The following NTF3 variants were observed in gnomAD, a reference collection of about 807,000 sequenced individuals.
NTF3 encodes neurotrophin-3.
NTF3 carries 8 observed loss-of-function variants against 26.3 expected under a neutral mutation model. The observed-to-expected ratio is 0.30, with a 90% confidence interval of 0.18 to 0.55. The LOEUF is 0.55. Ranked by LOEUF, NTF3 falls within the 20% of genes least tolerant of loss-of-function variation. The pLI is 0.93. For synonymous variants in NTF3, 154 were observed against 145.5 expected, an observed-to-expected ratio of 1.06 and a Z score of -0.42; for missense variants, 276 against 352.9, an observed-to-expected ratio of 0.78 and a Z score of 1.75.
chr12:5,464,413 GTGATGGGCATTCA>G (rs1940562500), intron 1 of NTF3, among the ~76,000 whole-genome samples: 1 of 152,218 alleles, frequency 6.6e-6, no homozygotes, highest in Admixed American at 6.5e-5. Flanking sequence ...TGGTGCAAAA[GTGATGGGCATTCA>G]GTATGCTTCT....
At chr12:5,455,273 C>T (rs1199217518) in intron 1 of NTF3, among the ~76,000 whole-genome samples, 1 of 152,206 alleles carries the variant, frequency 6.6e-6, no homozygotes, top group Non-Finnish European at 1.5e-5. Context: ...TTTTCATGAT[C>T]CCCATTAGTA....
chr12:5,459,811 T>C (rs1382378098), intron 1 of NTF3, among the ~76,000 whole-genome samples: 1 of 152,190 alleles, frequency 6.6e-6, no homozygotes, highest in Non-Finnish European at 1.5e-5. Flanking sequence ...TTCTTTCTTC[T>C]CTAGCATGTG....
intron 1 of NTF3, among the ~76,000 whole-genome samples, chr12:5,481,721 CCA>C (rs746563252): frequency 8.0e-4 from 100 of 125,382 alleles, no homozygotes; most frequent in Admixed American, 2.8e-3. Flanking sequence ...CACGCACACA[CCA>C]CACACACACA....
chr12:5,441,357 T>C (rs1385520352), intron 1 of NTF3, among the ~76,000 whole-genome samples: 1 of 152,226 alleles, frequency 6.6e-6, no homozygotes, highest in African/African-American at 2.4e-5. Context: ...AAATGTTCTG[T>C]ACAAGTGATA....
chr12:5,474,832 T>TCAATTATC (rs1294936313), intron 1 of NTF3, among the ~76,000 whole-genome samples: 1 of 152,090 alleles, frequency 6.6e-6, no homozygotes, highest in African/African-American at 2.4e-5. Flanking sequence ...CTGGAATTAT[T>TCAATTATC]AAAGATCAGT....
chr12:5,486,880 GGTGTGTGT>G (rs10527557), intron 1 of NTF3, among the ~76,000 whole-genome samples: 39,284 of 148,670 alleles, frequency 0.26, 5,581 homozygotes, highest in South Asian at 0.37. Context: ...GTAGTTACGT[GGTGTGTGT>G]GTGTGTGTGT....
In NTF3 at chr12:5,480,904, A is replaced by C. The variant is rs539848670; in HGVS notation, c.19-13290A>C. On this transcript the variant is annotated intron_variant, in intron 1 of 1. Coordinates refer to ENST00000423158, the MANE Select transcript of NTF3 (RefSeq NM_001102654.2). ...GGTTGGAGAAATAATGAGAAATGCA[A>C]ACTTGACCCAGAGTTTCTCCTTCCA... Among the ~76,000 whole-genome samples the C allele has an allele frequency of 1.1e-3, 166 of 152,124 alleles. 1 individual carries two copies. Among genetic ancestry groups the C allele is most frequent in the African/African-American group, 3.9e-3 (162 of 41,468 alleles).
chr12:5,487,541 G>C (rs1370929842), intron 1 of NTF3, among the ~76,000 whole-genome samples: 1 of 152,172 alleles, frequency 6.6e-6, no homozygotes, highest in Non-Finnish European at 1.5e-5. Flanking sequence ...TTTTATCCTA[G>C]AGTATGCCTT....
chr12:5,477,549 G>C (rs1940739579), intron 1 of NTF3, among the ~76,000 whole-genome samples: 1 of 152,196 alleles, frequency 6.6e-6, no homozygotes, highest in East Asian at 1.9e-4. Flanking sequence ...GGTAAGTTGT[G>C]AACTACAGGA....
intron 1 of NTF3, among the ~76,000 whole-genome samples, chr12:5,482,072 C>T (rs1056538568): frequency 1.3e-5 from 2 of 152,128 alleles, no homozygotes; most frequent in Non-Finnish European, 2.9e-5. Context: ...CACACAGACA[C>T]ATCTGCAGTC....
At chr12:5,430,637 G>T (rs192641496), upstream of NTF3, among the ~76,000 whole-genome samples, 26 of 148,182 alleles carry the variant, frequency 1.8e-4, no homozygotes, top group Non-Finnish European at 3.7e-4. Context: ...CTCTGCGGCC[G>T]GTTGGTCCTG....
chr12:5,432,742 C>G (rs1293348307), intron 1 of NTF3, among the ~76,000 whole-genome samples: 3 of 151,982 alleles, frequency 2.0e-5, no homozygotes, highest in Admixed American at 6.5e-5. Context: ...GAAATGGGGA[C>G]GACGAAAGAG....
At chr12:5,441,302 C>T (rs184054070) in intron 1 of NTF3, among the ~76,000 whole-genome samples, 42 of 152,164 alleles carry the variant, frequency 2.8e-4, no homozygotes, top group Admixed American at 1.2e-3. Context: ...TGGACAAATG[C>T]GTGGATGGAG....
intron 1 of NTF3, among the ~76,000 whole-genome samples, chr12:5,442,597 C>A (rs1319712442): frequency 6.6e-6 from 1 of 152,192 alleles, no homozygotes; most frequent in African/African-American, 2.4e-5. Context: ...AGACTGCCAT[C>A]TACTGTCCAC....
chr12:5,445,300 A>ATGTGTGTGTGTGTG (rs55994341), intron 1 of NTF3, among the ~76,000 whole-genome samples: 1 of 60,816 alleles, frequency 1.6e-5, no homozygotes, highest in African/African-American at 4.1e-5. Context: ...GTGTGTGTGT[A>ATGTGTGTGTGTGTG]TGTGTGTGTG....
chr12:5,445,256 A>G (rs1043072142), intron 1 of NTF3, among the ~76,000 whole-genome samples: 3 of 102,008 alleles, frequency 2.9e-5, no homozygotes, highest in East Asian at 6.7e-4. Flanking sequence ...TGGACGTCAG[A>G]TCCACCCATA....
At chr12:5,477,734 C>T (rs1421189855) in intron 1 of NTF3, among the ~76,000 whole-genome samples, 1 of 152,154 alleles carries the variant, frequency 6.6e-6, no homozygotes, top group African/African-American at 2.4e-5. Context: ...CCCCTCTTCC[C>T]TCCATTTCCT....
At chr12:5,455,713 G>T (rs1032991706) in intron 1 of NTF3, among the ~76,000 whole-genome samples, 4 of 152,208 alleles carry the variant, frequency 2.6e-5, no homozygotes, top group Admixed American at 1.3e-4. Flanking sequence ...TGGAAAGGAG[G>T]TGTGGCTCTG....
At chr12:5,438,453 C>G (rs936876629) in intron 1 of NTF3, among the ~76,000 whole-genome samples, 17 of 152,126 alleles carry the variant, frequency 1.1e-4, no homozygotes, top group Admixed American at 7.9e-4. Flanking sequence ...TATGACTGAC[C>G]GTGATGTCAT....
Sources: gnomAD v4.1 joint callset for allele counts (sites outside exome capture counted in the v4.1 genomes callset) on GRCh38, gnomAD v4.1.1 for gene constraint, MANE v1.5 for transcripts, NCBI Gene and HGNC (gene_info 2026-07-23, HGNC 2026-07-21) for gene names.